The following PCDH9 variants were observed in gnomAD, a reference collection of about 807,000 sequenced individuals.
PCDH9 encodes protocadherin-9.
Under a neutral mutation model 70.6 loss-of-function variants are expected in PCDH9, and 24 were observed. That is an observed-to-expected ratio of 0.34 (90% CI 0.25 to 0.48). PCDH9 has a LOEUF of 0.48. PCDH9 is among the 20% of genes least tolerant of loss of function. The probability of loss-of-function intolerance (pLI) is 0.99; values close to 1 mark genes in which losing one functional copy is unlikely to be tolerated. For synonymous variants in PCDH9, 562 were observed against 558.5 expected (o/e 1.01, Z -0.09); for missense variants, 1,281 against 1,503.6 (o/e 0.85, Z 2.45).
intron 3 of PCDH9, among the ~76,000 whole-genome samples, chr13:66,898,772 A>G (rs187796341): frequency 6.6e-6 from 1 of 152,092 alleles, no homozygotes; most frequent in Non-Finnish European, 1.5e-5. Flanking sequence ...TTATTATTTA[A>G]AAGTAGCAGA....
At chr13:66,528,862 G>T (rs1960321703) in intron 4 of PCDH9, among the ~76,000 whole-genome samples, 1 of 151,920 alleles carries the variant, frequency 6.6e-6, no homozygotes, top group Admixed American at 6.6e-5. Flanking sequence ...CTATTCACTT[G>T]GATAGGTTTG....
chr13:66,917,527 G>T (rs1268815948), intron 2 of PCDH9, among the ~76,000 whole-genome samples: 4 of 151,360 alleles, frequency 2.6e-5, no homozygotes, highest in African/African-American at 4.8e-5. Context: ...GAGGGCTCTG[G>T]TCGAATAAAT....
intron 4 of PCDH9, among the ~76,000 whole-genome samples, chr13:66,455,168 C>T (rs902668467): frequency 2.6e-5 from 4 of 151,768 alleles, no homozygotes; most frequent in African/African-American, 9.7e-5. Flanking sequence ...ACAATAAAAC[C>T]TTTTTAATAT....
At chr13:66,385,907 T>G (rs544212646) in intron 4 of PCDH9, among the ~76,000 whole-genome samples, 1 of 152,178 alleles carries the variant, frequency 6.6e-6, no homozygotes, top group Non-Finnish European at 1.5e-5. Context: ...GTAAAAGCCT[T>G]CGGTGGACAG....
chr13:66,855,016 C>A (rs2081371479), intron 3 of PCDH9, among the ~76,000 whole-genome samples: 1 of 152,028 alleles, frequency 6.6e-6, no homozygotes, highest in East Asian at 1.9e-4. Flanking sequence ...TATAACAAGA[C>A]CTGAATGCAT....
intron 4 of PCDH9, among the ~76,000 whole-genome samples, chr13:66,506,877 C>G (rs566544498): frequency 6.6e-6 from 1 of 152,288 alleles, no homozygotes; most frequent in South Asian, 2.1e-4. Context: ...AATGTCTATG[C>G]CTTGCTTTAT....
intron 2 of PCDH9, chr13:67,208,093 T>C (rs1393696174): frequency 6.6e-6 from 1 of 152,176 alleles, no homozygotes. Context: ...CACACTGTAT[T>C]GTCCCTGGAA....
chr13:66,873,402 A>G (rs79043346), intron 3 of PCDH9, among the ~76,000 whole-genome samples: 5,137 of 152,232 alleles, frequency 0.034, 281 homozygotes, highest in African/African-American at 0.11. Flanking sequence ...GGAATAGTGA[A>G]TGTCAAACAA....
intron 3 of PCDH9, among the ~76,000 whole-genome samples, chr13:66,780,322 T>C (rs1416006269): frequency 1.3e-5 from 2 of 152,136 alleles, no homozygotes; most frequent in African/African-American, 4.8e-5. Flanking sequence ...TCCAAAGACA[T>C]GGTTTTATAT....
intron 3 of PCDH9, among the ~76,000 whole-genome samples, chr13:66,655,495 T>C (rs1287184113): frequency 6.6e-6 from 1 of 152,090 alleles, no homozygotes; most frequent in Non-Finnish European, 1.5e-5. Flanking sequence ...ATGTGCTTTT[T>C]CTTCATATAA....
At chr13:66,510,408 C>T (rs748487956) in intron 4 of PCDH9, among the ~76,000 whole-genome samples, 95 of 151,836 alleles carry the variant, frequency 6.3e-4, no homozygotes, top group Non-Finnish European at 1.2e-3. Flanking sequence ...ATGTGTACAA[C>T]GTGCAGGTTT....
intron 4 of PCDH9, among the ~76,000 whole-genome samples, chr13:66,561,863 G>A (rs1206000762): frequency 1.3e-5 from 2 of 152,050 alleles, no homozygotes; most frequent in Non-Finnish European, 2.9e-5. Flanking sequence ...GTGGCAACCC[G>A]CTCGGGTCCT....
rs537508949 is a variant in PCDH9 at position 66,442,964 on chromosome 13, G to T, written c.3341-137936C>A. ...ATATCTCTACATATTTCCCTTTTTG[G>T]TTTACACAGCTGCAGAAACTAACAC... On this transcript the variant is annotated intron_variant, in intron 4 of 4. Transcript: ENST00000377865. Among the ~76,000 whole-genome samples the T allele has an allele frequency of 3.1e-3, 465 of 152,038 alleles. 6 individuals carry two copies. Among genetic ancestry groups the T allele is most frequent in the African/African-American group, 0.011 (441 of 41,482 alleles).
chr13:66,342,011 G>T (rs1956135300), intron 4 of PCDH9, among the ~76,000 whole-genome samples: 1 of 152,178 alleles, frequency 6.6e-6, no homozygotes. Context: ...TGCCTCTTCT[G>T]CTGTGGGCTG....
At chr13:67,110,030 G>C (rs774168659) in intron 2 of PCDH9, among the ~76,000 whole-genome samples, 17 of 152,014 alleles carry the variant, frequency 1.1e-4, no homozygotes, top group Non-Finnish European at 1.6e-4. Flanking sequence ...GATTTCAAGG[G>C]CTTGATAATT....
chr13:66,318,624 G>T (rs1955697440), intron 4 of PCDH9, among the ~76,000 whole-genome samples: 1 of 152,104 alleles, frequency 6.6e-6, no homozygotes. Context: ...TAATGTAAGG[G>T]AACAAAATGG....
At chr13:67,027,253 T>C (rs933002876) in intron 2 of PCDH9, among the ~76,000 whole-genome samples, 43 of 152,070 alleles carry the variant, frequency 2.8e-4, no homozygotes, top group Non-Finnish European at 5.9e-4. Flanking sequence ...CCCTCAGAAA[T>C]AACGCCGCAT....
At position 66,729,978 on chromosome 13, in the gene PCDH9, A is replaced by G. The variant is rs560570520; in HGVS notation, c.3139-98567T>C. Among the ~76,000 whole-genome samples, 16 of 152,276 alleles carry G rather than the reference A, an allele frequency of 1.1e-4. No individual in the cohort carries two copies. In the East Asian group the frequency reaches 2.9e-3, roughly 28 times the overall value. On this transcript the variant is annotated intron_variant, in intron 3 of 4. Coordinates refer to ENST00000377865, the MANE Select transcript of PCDH9 (RefSeq NM_203487.3). ...CCCCTAAAACCACAAAGTCTGTAGA[A>G]TAATATATGTTTAACAAAAGTTTTC...
chr13:67,039,515 G>C (rs984549331), intron 2 of PCDH9, among the ~76,000 whole-genome samples: 6 of 152,166 alleles, frequency 3.9e-5, no homozygotes, highest in Admixed American at 2.0e-4. Context: ...ACAGATCTGA[G>C]TGTTTCCTCT....
Sources: allele counts gnomAD v4.1 joint callset (sites outside exome capture counted in the v4.1 genomes callset), GRCh38; gene constraint gnomAD v4.1.1; transcripts MANE v1.5; gene names NCBI Gene and HGNC (gene_info 2026-07-23, HGNC 2026-07-21).